ZNF28: variants seen among roughly 807,000 people sequenced by gnomAD.
ZNF28 encodes the protein zinc finger protein 28, also known as zinc finger protein KOX24.
ZNF28 carries 5 observed loss-of-function variants against 7.2 expected under a neutral mutation model. The observed-to-expected ratio is 0.70, with a 90% CI of 0.36 to 1.46. The LOEUF is 1.46. Ranked by LOEUF, ZNF28 falls within the 40% of genes most tolerant of loss-of-function variation. The pLI, the probability that ZNF28 is intolerant of heterozygous loss-of-function variation, is 0.03. For synonymous variants in ZNF28, 288 were observed against 292.4 expected (o/e 0.99, Z 0.15); for missense variants, 879 against 866.6 (o/e 1.01, Z -0.18).
At chr19:52,812,739 G>A (rs1232392269) in intron 2 of ZNF28, among the ~76,000 whole-genome samples, 3 of 103,534 alleles carry the variant, frequency 2.9e-5, no homozygotes, top group Admixed American at 1.2e-4. Context: ...CCCCCTCTGC[G>A]AGAAACACCC....
chr19:52,811,018 T>C (rs1039299221), intron 2 of ZNF28, among the ~76,000 whole-genome samples: 1 of 139,178 alleles, frequency 7.2e-6, no homozygotes, highest in Admixed American at 7.1e-5. Context: ...GCCTGCCGAG[T>C]GCCTGCGATT....
At chr19:52,802,354 T>A (rs1048347572) in intron 3 of ZNF28, among the ~76,000 whole-genome samples, 1 of 148,194 alleles carries the variant, frequency 6.7e-6, no homozygotes, top group African/African-American at 2.5e-5. Flanking sequence ...GGTGACAAAA[T>A]GAGCCTCCAT....
intron 3 of ZNF28, among the ~76,000 whole-genome samples, chr19:52,803,533 AT>A: frequency 6.6e-6 from 1 of 152,234 alleles, no homozygotes; most frequent in East Asian, 1.9e-4. Flanking sequence ...AGACTGAAGA[AT>A]TCTAAACAAT....
At chr19:52,804,290 C>A (rs540325455) in intron 3 of ZNF28, among the ~76,000 whole-genome samples, 15 of 152,106 alleles carry the variant, frequency 9.9e-5, no homozygotes, top group Non-Finnish European at 1.9e-4. Flanking sequence ...CCAGTTTAAG[C>A]AATTTCCTTT....
chr19:52,815,125 A>T (rs2063106121), intron 2 of ZNF28, among the ~76,000 whole-genome samples: 1 of 144,296 alleles, frequency 6.9e-6, no homozygotes, highest in African/African-American at 2.7e-5. Flanking sequence ...AAAGGTTTTT[A>T]AAATATAAAA....
intron 3 of ZNF28, among the ~76,000 whole-genome samples, chr19:52,804,349 G>A (rs1449458661): frequency 6.6e-6 from 1 of 152,100 alleles, no homozygotes; most frequent in Non-Finnish European, 1.5e-5. Flanking sequence ...AGGCTGGAGT[G>A]TAGTGGCATG....
intron 3 of ZNF28, among the ~76,000 whole-genome samples, chr19:52,806,980 G>C (rs1386716636): frequency 6.6e-6 from 1 of 152,194 alleles, no homozygotes; most frequent in African/African-American, 2.4e-5. Context: ...TTTCAGAGAT[G>C]TGAGGATTTA....
chr19:52,810,589 C>G, intron 2 of ZNF28: 1 of 1,573,154 alleles, frequency 6.4e-7, no homozygotes, highest in Non-Finnish European at 8.7e-7. Context: ...CCCGCTACCG[C>G]GCCCGACCAC....
At chr19:52,809,895 C>T (rs1006231795) in intron 2 of ZNF28, 2 of 807,522 alleles carry the variant, frequency 2.5e-6, no homozygotes, top group Admixed American at 2.1e-5. Context: ...CAGGCCGGGG[C>T]GGCGCCATCT....
Position 52,800,246 on chromosome 19 carries a change from AC to A in ZNF28, c.1598del (p.Ser533IlefsTer91), listed in dbSNP as rs763355033. Reference sequence around the variant, plus strand: ...GATGACATGCAAGGTTTGCTTTTGTACTAAAAACCTTGCCACATTCATTACA... The same window carrying A: ...GATGACATGCAAGGTTTGCTTTTGTATAAAAACCTTGCCACATTCATTACA... The part of the protein sequence containing the change: ...YMCNECGKVF[S>X]TKANLACHHK... On this transcript the variant is annotated frameshift_variant, in exon 4 of 4. Transcript: ENST00000457749. LOFTEE classifies it low-confidence loss of function (END_TRUNC). 5.6e-6 allele frequency: 9 copies of A among 1,613,108 alleles called. No homozygotes were observed. Among genetic ancestry groups the A allele is most frequent in the Admixed American group, 5.0e-5 (3 of 59,930 alleles).
intron 2 of ZNF28, chr19:52,810,826 T>A (rs1481024919): frequency 7.8e-6 from 2 of 255,826 alleles, no homozygotes; most frequent in East Asian, 8.4e-5. Context: ...ATATATATAT[T>A]TTTAAAAAAA....
intron 2 of ZNF28, among the ~76,000 whole-genome samples, chr19:52,809,529 C>T (rs1219481924): frequency 6.6e-6 from 1 of 152,154 alleles, no homozygotes; most frequent in Non-Finnish European, 1.5e-5. Context: ...TATTATGGGC[C>T]TGGCGCGGTG....
chr19:52,812,449 TTGATCTG>T (rs1447729173), intron 2 of ZNF28, among the ~76,000 whole-genome samples: 1 of 124,240 alleles, frequency 8.0e-6, no homozygotes, highest in African/African-American at 3.6e-5. Context: ...TGGGATCCTG[TTGATCTG>T]TGACCTTATC....
At chr19:52,806,509 TAA>T (rs2062938730) in intron 3 of ZNF28, among the ~76,000 whole-genome samples, 1 of 151,966 alleles carries the variant, frequency 6.6e-6, no homozygotes. Flanking sequence ...ATGGTAATTT[TAA>T]GTTTCTTTAT....
At chr19:52,820,747 T>C (rs1165233419) in intron 1 of ZNF28, among the ~76,000 whole-genome samples, 1 of 152,222 alleles carries the variant, frequency 6.6e-6, no homozygotes, top group Non-Finnish European at 1.5e-5. Flanking sequence ...AGCTTTTCTC[T>C]ACATTTCTCC....
chr19:52,804,812 G>A (rs950217447), intron 3 of ZNF28, among the ~76,000 whole-genome samples: 166 of 152,320 alleles, frequency 1.1e-3, no homozygotes, highest in African/African-American at 3.7e-3. Flanking sequence ...GCCAGTCTAA[G>A]CTATTTCTAA....
Position 52,801,223 on chromosome 19 carries a change from C to T in ZNF28, c.622G>A (p.Val208Ile), listed in dbSNP as rs2062865349. The change falls in exon 4 of 4, where the codon GTA (valine) becomes ATA (isoleucine). Residue 208 changes from valine to isoleucine, a missense_variant. Physicochemically the swap from Val to Ile is conservative, Grantham distance 29. Around this residue, in one of 2 missense-constraint regions of ZNF28, gnomAD observed 864 missense variants for 830.2 expected, o/e 1.04. Transcript: ENST00000457749. The stretch of plus-strand genomic sequence containing the variant: ...TGGAAAGATTTTTCTCTCATGTGTA[C>T]ATTCCGTTTTTGTGTGAGTAATGAA... ...HSSLLTQKRN[V>I]HMREKSFQCI... is the part of the protein sequence containing the mutation. 1 of 1,613,974 alleles carries T rather than the reference C, an allele frequency of 6.2e-7. No individual in the cohort carries two copies. Among genetic ancestry groups the T allele is most frequent in the African/African-American group, 1.3e-5 (1 of 74,874 alleles).
rs1360146452 is a variant in ZNF28, at chr19:52,800,560, GT to G, written c.1284del (p.Lys428AsnfsTer4). 6.2e-7 allele frequency: 1 copy of G among 1,612,920 alleles called. No individual in the cohort carries two copies. The highest frequency in any genetic ancestry group is 1.3e-5 in the African/African-American group (1 of 74,558). On this transcript the variant is annotated frameshift_variant, in exon 4 of 4. Coordinates refer to ENST00000457749, the MANE Select transcript of ZNF28 (RefSeq NM_006969.5). LOFTEE classifies it low-confidence loss of function (END_TRUNC). ...KAFAYNSYLA[K>X]HSIIHTGEKP... ...TTCTCTCCAGTGTGAATTATACTATGTTTTGCCAGGTATGAATTATATGCAA... is the reference window on the plus strand; with the variant it reads ...TTCTCTCCAGTGTGAATTATACTATGTTTGCCAGGTATGAATTATATGCAA...
chr19:52,821,129 G>A (rs1157799663), intron 1 of ZNF28, among the ~76,000 whole-genome samples: 2 of 152,090 alleles, frequency 1.3e-5, no homozygotes, highest in African/African-American at 4.8e-5. Flanking sequence ...GAGGAGGAGG[G>A]AGGTGGGGAG....
Sources: gnomAD v4.1 joint callset for allele counts (sites outside exome capture counted in the v4.1 genomes callset) on GRCh38, gnomAD v4.1.1 for gene constraint, gnomAD v4.1.1 regional missense constraint, MANE v1.5 for transcripts, NCBI Gene and HGNC (gene_info 2026-07-23, HGNC 2026-07-21) for gene names.